The following YTHDC2 variants were observed in gnomAD, a reference collection of about 807,000 sequenced individuals.
YTHDC2 encodes YTH N6-methyladenosine RNA binding protein C2, also known as 3'-5' RNA helicase YTHDC2.
YTHDC2 carries 45 observed loss-of-function variants against 174.9 expected under a neutral mutation model. That is an observed-to-expected ratio of 0.26 (90% CI 0.20 to 0.33). The LOEUF (loss-of-function observed/expected upper bound fraction) is 0.33. Among genes scored for constraint, YTHDC2 ranks in the 10% least tolerant of loss-of-function variants. YTHDC2 has a pLI of 1.00. For missense variants in YTHDC2, 1,650 were observed against 1,723.7 expected (o/e 0.96, Z 0.76); for synonymous variants, 657 against 574.5 (o/e 1.14, Z -2.05).
intron 4 of YTHDC2, among the ~76,000 whole-genome samples, chr5:113,530,424 A>G (rs1774575249): frequency 6.6e-6 from 1 of 152,044 alleles, no homozygotes; most frequent in African/African-American, 2.4e-5. Flanking sequence ...TCTTCATTAT[A>G]TTTTACCTTT....
At chr5:113,539,759 G>T (rs534746884) in intron 8 of YTHDC2, among the ~76,000 whole-genome samples, 1 of 151,936 alleles carries the variant, frequency 6.6e-6, no homozygotes, top group African/African-American at 2.4e-5. Context: ...TGTTTATTCT[G>T]TATGCCCTTG....
At position 113,553,830 on chromosome 5, in the gene YTHDC2, C is replaced by G. The variant is rs1776428102; in HGVS notation, c.2028C>G (p.Asn676Lys). Reference protein sequence around the residue: ...QTSDQKKVLKNPPAGVRKIIL... With the variant: ...QTSDQKKVLKKPPAGVRKIIL... ...CCGATCAAAAGAAAGTATTAAAAAACCCACCTGCAGGTGTTCGAAAAATAG... is the reference window on the plus strand; with the variant it reads ...CCGATCAAAAGAAAGTATTAAAAAAGCCACCTGCAGGTGTTCGAAAAATAG... Residue 676 changes from asparagine to lysine, a missense_variant, in exon 15 of 30, where the codon AAC becomes AAG. This residue lies in a region of YTHDC2 where 913 missense variants were observed against 940.4 expected (regional missense o/e 0.97). Transcript: ENST00000161863. 1 of 1,611,918 alleles carries G rather than the reference C, an allele frequency of 6.2e-7. No homozygotes were observed. The highest frequency in any genetic ancestry group is 1.1e-5 in the South Asian group (1 of 90,620).
At chr5:113,524,498 A>G (rs1774081769) in intron 2 of YTHDC2, among the ~76,000 whole-genome samples, 1 of 152,152 alleles carries the variant, frequency 6.6e-6, no homozygotes. Flanking sequence ...TCCAACCATG[A>G]AACTTGGCTC....
intron 3 of YTHDC2, 33 bp downstream of exon 3, chr5:113,525,210 C>G: frequency 1.3e-6 from 2 of 1,492,944 alleles, no homozygotes; most frequent in Non-Finnish European, 1.8e-6. Flanking sequence ...CCTCATTTAC[C>G]CTATTATTTG....
chr5:113,572,756 T>G (rs1260045200), intron 23 of YTHDC2, among the ~76,000 whole-genome samples: 2 of 152,232 alleles, frequency 1.3e-5, no homozygotes. Context: ...AAAGTCTGTT[T>G]TATCAGAAAC....
chr5:113,565,684 T>C (rs1032352650), intron 20 of YTHDC2: 1 of 435,172 alleles, frequency 2.3e-6, no homozygotes, highest in South Asian at 5.4e-5. Flanking sequence ...TAGTTCTCTT[T>C]GCGATTTTAT....
At chr5:113,518,854 T>G (rs2112522945) in intron 2 of YTHDC2, among the ~76,000 whole-genome samples, 1 of 152,260 alleles carries the variant, frequency 6.6e-6, no homozygotes, top group East Asian at 1.9e-4. Context: ...GTTTTTCATC[T>G]TCTAAATAAT....
chr5:113,571,740 A>C (rs34870059), intron 23 of YTHDC2, among the ~76,000 whole-genome samples: 17,701 of 152,104 alleles, frequency 0.12, 1,150 homozygotes, highest in African/African-American at 0.15. Flanking sequence ...TCTTTCTTCT[A>C]GATTTTCTAG....
intron 23 of YTHDC2, among the ~76,000 whole-genome samples, chr5:113,578,542 G>T (rs533599924): frequency 6.6e-6 from 1 of 152,100 alleles, no homozygotes; most frequent in African/African-American, 2.4e-5. Context: ...ACCTTCCTTG[G>T]ACTAAGTGTG....
At chr5:113,521,817 T>C (rs1773882470) in intron 2 of YTHDC2, among the ~76,000 whole-genome samples, 1 of 64,606 alleles carries the variant, frequency 1.5e-5, no homozygotes. Flanking sequence ...CAAGACTCTG[T>C]CTCAAAAAAA....
rs868643581 is a variant in YTHDC2 at position 113,588,595 on chromosome 5, G to A, written c.3826-2446G>A. 5.7e-5 allele frequency among the ~76,000 whole-genome samples: 8 copies of A among 139,352 alleles called. No homozygotes were observed. The South Asian group carries it at 6.6e-4, about 12-fold the overall frequency. 91.4% of individuals were successfully genotyped at this position (139,352 alleles called of 152,430 possible). A position where few individuals can be genotyped will look rare whatever the true frequency, so the allele number is the denominator to read the frequency against. On this transcript the variant is annotated intron_variant, in intron 26 of 29. Transcript: ENST00000161863. ...ATATTTGATAGAATTCACTTATGAAGCCATTTATTTATTTATTTATTTATT... is the reference window on the plus strand; with the variant it reads ...ATATTTGATAGAATTCACTTATGAAACCATTTATTTATTTATTTATTTATT...
chr5:113,593,326 A>G lies in YTHDC2; in HGVS notation c.4236A>G (p.Glu1412=), dbSNP rs1779103514. The G allele has an allele frequency of 6.2e-7, 1 of 1,612,620 alleles. No homozygotes were observed. Among genetic ancestry groups the G allele is most frequent in the Admixed American group, 1.7e-5 (1 of 59,932 alleles). Reference sequence around the variant, plus strand: ...AGGAACTAGAACCTCTGGTTGGTGAACAGTTGCTCCAGTTATGGGAACGTC... The same window carrying G: ...AGGAACTAGAACCTCTGGTTGGTGAGCAGTTGCTCCAGTTATGGGAACGTC... ...DGQELEPLVG[E]QLLQLWERLP... is the part of the protein sequence containing the mutation. Residue 1412 remains glutamate (E), a synonymous_variant, in exon 29 of 30, where the codon GAA becomes GAG. Coordinates refer to ENST00000161863, the MANE Select transcript of YTHDC2 (RefSeq NM_022828.5).
intron 23 of YTHDC2, among the ~76,000 whole-genome samples, chr5:113,572,541 ATCTG>A (rs1777796796): frequency 6.6e-6 from 1 of 152,152 alleles, no homozygotes; most frequent in Non-Finnish European, 1.5e-5. Context: ...TGTCTTGATG[ATCTG>A]TCTAATGTTG....
chr5:113,565,862 G>C, intron 20 of YTHDC2, 31 bp from the exon 21 acceptor site: 2 of 1,602,120 alleles, frequency 1.2e-6, no homozygotes, highest in Non-Finnish European at 1.7e-6. Flanking sequence ...TAGTAAATGT[G>C]TCTTGTTATG....
Position 113,554,015 on chromosome 5 carries a change from T to C in YTHDC2, c.2126T>C (p.Val709Ala). ...GTCTTTGTTATTGATTCTGGTAAGG[T>C]GAAAGAGGTATGTATGGGTAAGTTG... Reference protein sequence around the residue: ...DVVFVIDSGKVKEKSFDALNF... With the variant: ...DVVFVIDSGKAKEKSFDALNF... Residue 709 changes from valine to alanine, a missense_variant, in exon 16 of 30, where the codon GTG (valine) becomes GCG (alanine). This residue lies in a region of YTHDC2 where 913 missense variants were observed against 940.4 expected (regional missense o/e 0.97). Coordinates refer to ENST00000161863, the MANE Select transcript of YTHDC2 (RefSeq NM_022828.5). The C allele has an allele frequency of 6.4e-7, 1 of 1,563,546 alleles. No individual in the cohort carries two copies. The highest frequency in any genetic ancestry group is 8.6e-7 in the Non-Finnish European group (1 of 1,157,144).
intron 16 of YTHDC2, among the ~76,000 whole-genome samples, chr5:113,554,575 G>T (rs978411655): frequency 7.7e-6 from 1 of 130,512 alleles, no homozygotes; most frequent in Non-Finnish European, 1.5e-5. Context: ...ACTTGCTTTT[G>T]TAAAAAAAAA....
intron 8 of YTHDC2, among the ~76,000 whole-genome samples, chr5:113,539,928 T>G (rs936300609): frequency 1.3e-4 from 20 of 151,914 alleles, no homozygotes; most frequent in Non-Finnish European, 2.2e-4. Context: ...TAGAGACAGG[T>G]TCTTGTTCTA....
chr5:113,553,507 C>G, intron 13 of YTHDC2, 83 bp from the exon 14 acceptor site: 1 of 1,497,650 alleles, frequency 6.7e-7, no homozygotes, highest in Non-Finnish European at 9.2e-7. Flanking sequence ...TACTTGAAAA[C>G]ATGTGATACA....
intron 3 of YTHDC2, among the ~76,000 whole-genome samples, chr5:113,525,464 C>G (rs979485487): frequency 1.3e-5 from 2 of 151,916 alleles, no homozygotes; most frequent in Admixed American, 6.6e-5. Context: ...TATATGGGGC[C>G]TCCTAGCAAC....
Sources: gnomAD v4.1 joint callset for allele counts (sites outside exome capture counted in the v4.1 genomes callset) on GRCh38, gnomAD v4.1.1 for gene constraint, gnomAD v4.1.1 regional missense constraint, MANE v1.5 for transcripts, NCBI Gene and HGNC (gene_info 2026-07-23, HGNC 2026-07-21) for gene names.